Variants in KCTD8 observed in about 807,000 individuals in gnomAD.
KCTD8 encodes the protein BTB/POZ domain-containing protein KCTD8.
In KCTD8, 27 loss-of-function variants were observed where a neutral mutation model predicts 31.5. The ratio of observed to expected loss-of-function variants is 0.86; its 90% CI spans 0.63 to 1.18. KCTD8 has a LOEUF of 1.18. KCTD8 is among the 50% of genes most tolerant of loss of function. KCTD8 has a pLI of 0.00. For missense variants in KCTD8, 658 were observed against 647.7 expected (o/e 1.02, Z -0.17); for synonymous variants, 290 against 280.0 (o/e 1.04, Z -0.36).
chr4:44,355,523 C>T (rs907374893), intron 1 of KCTD8, among the ~76,000 whole-genome samples: 2 of 152,110 alleles, frequency 1.3e-5, no homozygotes, highest in African/African-American at 4.8e-5. Flanking sequence ...TAGTTTTATG[C>T]ATAATTTTAA....
At chr4:44,186,838 A>G (rs899438325) in intron 1 of KCTD8, among the ~76,000 whole-genome samples, 2 of 152,258 alleles carry the variant, frequency 1.3e-5, no homozygotes, top group African/African-American at 4.8e-5. Context: ...TTCAGTAACC[A>G]TTTATCTAAC....
At chr4:44,295,429 G>A (rs936245275) in intron 1 of KCTD8, among the ~76,000 whole-genome samples, 1 of 152,206 alleles carries the variant, frequency 6.6e-6, no homozygotes, top group Non-Finnish European at 1.5e-5. Flanking sequence ...AGACCCAAGA[G>A]AGCCCCTTTT....
At chr4:44,317,607 G>C (rs544994829) in intron 1 of KCTD8, among the ~76,000 whole-genome samples, 3 of 152,162 alleles carry the variant, frequency 2.0e-5, no homozygotes, top group Non-Finnish European at 4.4e-5. Flanking sequence ...CTTACTACAC[G>C]ATCCTCTGTT....
intron 1 of KCTD8, among the ~76,000 whole-genome samples, chr4:44,246,334 G>C (rs911907053): frequency 6.6e-6 from 1 of 151,864 alleles, no homozygotes; most frequent in Non-Finnish European, 1.5e-5. Flanking sequence ...ATTTTAGCCC[G>C]TATTTCTCTC....
chr4:44,192,031 C>T (rs900108076), intron 1 of KCTD8, among the ~76,000 whole-genome samples: 2 of 152,136 alleles, frequency 1.3e-5, no homozygotes, highest in Non-Finnish European at 2.9e-5. Flanking sequence ...CCCCTGGCGG[C>T]CCAGCTGTAA....
At chr4:44,390,001 G>A (rs1236866303) in intron 1 of KCTD8, among the ~76,000 whole-genome samples, 7 of 151,388 alleles carry the variant, frequency 4.6e-5, no homozygotes, top group African/African-American at 1.5e-4. Context: ...TATTTCTGCC[G>A]ATTTGTTTGA....
intron 1 of KCTD8, among the ~76,000 whole-genome samples, chr4:44,283,610 C>T (rs1716962342): frequency 6.6e-6 from 1 of 152,100 alleles, no homozygotes; most frequent in African/African-American, 2.4e-5. Flanking sequence ...TAGATGACAG[C>T]ACATCTGTTT....
chr4:44,368,255 T>C (rs1719693189), intron 1 of KCTD8, among the ~76,000 whole-genome samples: 1 of 152,064 alleles, frequency 6.6e-6, no homozygotes, highest in Non-Finnish European at 1.5e-5. Flanking sequence ...CACCTGCCTG[T>C]AGTCCCAGCT....
At chr4:44,338,099 T>C (rs1403478644) in intron 1 of KCTD8, among the ~76,000 whole-genome samples, 1 of 152,044 alleles carries the variant, frequency 6.6e-6, no homozygotes, top group Non-Finnish European at 1.5e-5. Flanking sequence ...ATAAATAATA[T>C]ATAGGTACAG....
intron 1 of KCTD8, among the ~76,000 whole-genome samples, chr4:44,375,104 T>C (rs904159712): frequency 1.3e-5 from 2 of 152,142 alleles, no homozygotes; most frequent in African/African-American, 4.8e-5. Flanking sequence ...TTAAGAGACC[T>C]CAGAATTAGA....
chr4:44,202,973 A>AG (rs1454538981), intron 1 of KCTD8, among the ~76,000 whole-genome samples: 1 of 152,162 alleles, frequency 6.6e-6, no homozygotes, highest in Non-Finnish European at 1.5e-5. Context: ...AAAAGAAAAA[A>AG]GCCTTATCTT....
chr4:44,388,597 A>T (rs1445928404), intron 1 of KCTD8, among the ~76,000 whole-genome samples: 2 of 151,930 alleles, frequency 1.3e-5, no homozygotes, highest in Middle Eastern at 3.4e-3. Context: ...AGCAAACTAC[A>T]CAGGAACAGA....
At chr4:44,434,757 GT>G in intron 1 of KCTD8, among the ~76,000 whole-genome samples, 1 of 151,958 alleles carries the variant, frequency 6.6e-6, no homozygotes, top group Middle Eastern at 3.4e-3. Flanking sequence ...GTCAGACACA[GT>G]GCAAGACTTT....
chr4:44,245,782 G>T (rs1171130163), intron 1 of KCTD8, among the ~76,000 whole-genome samples: 2 of 151,974 alleles, frequency 1.3e-5, no homozygotes, highest in Middle Eastern at 3.4e-3. Context: ...TGCAGAAAAA[G>T]CAGCTAACTC....
intron 1 of KCTD8, among the ~76,000 whole-genome samples, chr4:44,222,185 T>C (rs1018693801): frequency 3.3e-5 from 5 of 152,154 alleles, no homozygotes; most frequent in Non-Finnish European, 4.4e-5. Context: ...GAATTTATTA[T>C]AGAGGTTAGT....
chr4:44,432,614 AT>A (rs1415435952), intron 1 of KCTD8, among the ~76,000 whole-genome samples: 2 of 151,674 alleles, frequency 1.3e-5, no homozygotes, highest in Non-Finnish European at 3.0e-5. Flanking sequence ...AACTGGTTGC[AT>A]TAACTACGCT....
intron 1 of KCTD8, among the ~76,000 whole-genome samples, chr4:44,190,654 T>G (rs1713737904): frequency 6.6e-6 from 1 of 152,100 alleles, no homozygotes; most frequent in South Asian, 2.1e-4. Context: ...TACTTCAAAC[T>G]GTTCATGAGG....
At chr4:44,327,275 A>G (rs1200922547) in intron 1 of KCTD8, among the ~76,000 whole-genome samples, 4 of 151,748 alleles carry the variant, frequency 2.6e-5, no homozygotes, top group Non-Finnish European at 5.9e-5. Flanking sequence ...CTTAAAATTA[A>G]GTCAGGTTTC....
At chr4:44,269,116 C>T (rs1018840215) in intron 1 of KCTD8, among the ~76,000 whole-genome samples, 2 of 152,140 alleles carry the variant, frequency 1.3e-5, no homozygotes, top group African/African-American at 2.4e-5. Context: ...AAGCTGGAGG[C>T]ATCATGCTAC....
Sources: gnomAD v4.1 joint callset for allele counts (sites outside exome capture counted in the v4.1 genomes callset) on GRCh38, gnomAD v4.1.1 for gene constraint, MANE v1.5 for transcripts, NCBI Gene and HGNC (gene_info 2026-07-23, HGNC 2026-07-21) for gene names.